The following DOCK8 variants were observed in gnomAD, a reference collection of about 807,000 sequenced individuals.
The protein encoded by DOCK8 is dedicator of cytokinesis 8.
DOCK8 carries 141 observed loss-of-function variants against 245.6 expected under a neutral mutation model. That is an observed-to-expected ratio of 0.57 (90% CI 0.50 to 0.66). The LOEUF (loss-of-function observed/expected upper bound fraction) is 0.66. DOCK8 is among the 30% of genes least tolerant of loss of function. The probability of loss-of-function intolerance (pLI) is 0.00; values close to 1 mark genes in which losing one functional copy is unlikely to be tolerated. For synonymous variants in DOCK8, 1,168 were observed against 970.2 expected (o/e 1.20, Z -3.79); for missense variants, 2,965 against 2,603.4 (o/e 1.14, Z -3.02).
intron 1 of DOCK8, among the ~76,000 whole-genome samples, chr9:260,014 A>G (rs2047878600): frequency 6.6e-6 from 1 of 152,232 alleles, no homozygotes; most frequent in African/African-American, 2.4e-5. Flanking sequence ...CATTGTGGGC[A>G]CCACATATAG....
chr9:303,373 A>G (rs1007076578), intron 4 of DOCK8, among the ~76,000 whole-genome samples: 3 of 152,196 alleles, frequency 2.0e-5, no homozygotes, highest in African/African-American at 7.2e-5. Flanking sequence ...TAGCAAAGAC[A>G]TGGAATCAAC....
In DOCK8 at chr9:231,332, G is replaced by C. The variant is rs1243731150; in HGVS notation, c.53+16303G>C. Among the ~76,000 whole-genome samples, 31 of 152,162 alleles carry C rather than the reference G, an allele frequency of 2.0e-4. 1 individual carries two copies. Among genetic ancestry groups the C allele is most frequent in the Non-Finnish European group, 5.9e-5 (4 of 68,026 alleles). On this transcript the variant is annotated intron_variant, in intron 1 of 47. Coordinates refer to ENST00000432829, the MANE Select transcript of DOCK8 (RefSeq NM_203447.4). ...TTGTAGTATAGTTTGAAGTCAGGTA[G>C]TGTGATGCCTCCAGCTTTGTTCTTT... is the stretch of plus-strand genomic sequence containing the variant.
chr9:372,772 C>T (rs1175052255), intron 18 of DOCK8, among the ~76,000 whole-genome samples: 1 of 152,026 alleles, frequency 6.6e-6, no homozygotes, highest in East Asian at 1.9e-4. Flanking sequence ...ATCCACTCTG[C>T]TGCAGTGCAC....
chr9:421,203 C>T (rs750237675), intron 32 of DOCK8, 125 bp downstream of exon 32: 17 of 1,337,150 alleles, frequency 1.3e-5, no homozygotes, highest in Non-Finnish European at 1.7e-5. Context: ...GTGTCAGAGA[C>T]AGCGGATTCT....
intron 1 of DOCK8, among the ~76,000 whole-genome samples, chr9:242,435 ATGTCTTGTT>A (rs2047396151): frequency 6.6e-6 from 1 of 152,206 alleles, no homozygotes; most frequent in Non-Finnish European, 1.5e-5. Context: ...CCAGTGATAC[ATGTCTTGTT>A]ATGTTAAAGG....
intron 34 of DOCK8, 39 bp downstream of exon 34, chr9:427,020 G>A: frequency 1.3e-6 from 2 of 1,556,644 alleles, no homozygotes; most frequent in Non-Finnish European, 8.9e-7. Flanking sequence ...TGTTGGCCAT[G>A]AATATGTTTA....
At chr9:417,848 A>C (rs575166484) in intron 29 of DOCK8, among the ~76,000 whole-genome samples, 1 of 152,368 alleles carries the variant, frequency 6.6e-6, no homozygotes, top group African/African-American at 2.4e-5. Context: ...TTTTGTTCAC[A>C]CAATTTGAAA....
At chr9:298,884 A>C (rs553699897) in intron 4 of DOCK8, among the ~76,000 whole-genome samples, 55 of 151,306 alleles carry the variant, frequency 3.6e-4, no homozygotes, top group Non-Finnish European at 7.1e-4. Flanking sequence ...TACCCTTTAA[A>C]ATGTACAAGT....
At chr9:346,970 C>T (rs1297468041) in intron 14 of DOCK8, among the ~76,000 whole-genome samples, 2 of 152,102 alleles carry the variant, frequency 1.3e-5, no homozygotes, top group African/African-American at 2.4e-5. Context: ...AATAGGTTCC[C>T]AGTTTAAGCC....
chr9:463,737 A>G (rs1370709417), intron 47 of DOCK8, 50 bp downstream of exon 47: 2 of 1,608,084 alleles, frequency 1.2e-6, no homozygotes, highest in Admixed American at 3.3e-5. Flanking sequence ...AGAGCAGCGC[A>G]TGGGGCCTAG....
chr9:289,704 C>G, intron 4 of DOCK8, 123 bp downstream of exon 4: 1 of 778,318 alleles, frequency 1.3e-6, no homozygotes, highest in Non-Finnish European at 2.1e-6. Flanking sequence ...AAATAGAGTT[C>G]TCATGTATGC....
intron 2 of DOCK8, among the ~76,000 whole-genome samples, chr9:274,588 C>T (rs1586565407): frequency 6.7e-6 from 1 of 150,244 alleles, no homozygotes; most frequent in African/African-American, 2.4e-5. Flanking sequence ...GGCTGTTCTT[C>T]CCCTTGAGTC....
intron 26 of DOCK8, among the ~76,000 whole-genome samples, chr9:400,428 C>G (rs901233339): frequency 1.8e-5 from 1 of 55,586 alleles, no homozygotes; most frequent in Admixed American, 1.6e-4. Flanking sequence ...CCTCCACCAT[C>G]ACCACCACCT....
intron 14 of DOCK8, among the ~76,000 whole-genome samples, chr9:343,851 T>C (rs2051731438): frequency 6.6e-6 from 1 of 152,266 alleles, no homozygotes; most frequent in Admixed American, 6.5e-5. Context: ...CAATGAATTC[T>C]GTAGTTATTC....
intron 2 of DOCK8, chr9:272,991 C>G (rs899068406): frequency 2.1e-6 from 2 of 974,974 alleles, no homozygotes; most frequent in Non-Finnish European, 1.2e-6. Flanking sequence ...CTTATTACTT[C>G]GAAACCACTT....
intron 26 of DOCK8, among the ~76,000 whole-genome samples, chr9:400,315 A>T (rs1394220292): frequency 5.0e-5 from 4 of 79,596 alleles, no homozygotes; most frequent in East Asian, 5.8e-4. Flanking sequence ...CACCGTCACC[A>T]CCACCTCCAC....
At chr9:425,348 C>A (rs548418509) in intron 33 of DOCK8, among the ~76,000 whole-genome samples, 77 of 151,984 alleles carry the variant, frequency 5.1e-4, no homozygotes, top group South Asian at 4.2e-3. Flanking sequence ...CTGGCTAACG[C>A]GGCGAAACCC....
intron 1 of DOCK8, among the ~76,000 whole-genome samples, chr9:240,204 G>C (rs2047346128): frequency 6.6e-6 from 1 of 152,092 alleles, no homozygotes; most frequent in African/African-American, 2.4e-5. Context: ...TTATTGAAAA[G>C]TAGTTTGTAT....
intron 1 of DOCK8, among the ~76,000 whole-genome samples, chr9:256,202 C>G (rs1226265258): frequency 6.6e-6 from 1 of 152,140 alleles, no homozygotes; most frequent in Admixed American, 6.5e-5. Flanking sequence ...CTGAGCCCTG[C>G]AGGAAAGAAT....
Sources: allele counts gnomAD v4.1 joint callset (sites outside exome capture counted in the v4.1 genomes callset), GRCh38; gene constraint gnomAD v4.1.1; transcripts MANE v1.5; gene names NCBI Gene and HGNC (gene_info 2026-07-23, HGNC 2026-07-21).